BIRC6: variants seen among roughly 807,000 people sequenced by gnomAD.
BIRC6 encodes baculoviral IAP repeat containing 6.
A neutral mutation model predicts 503.3 loss-of-function variants in BIRC6; 98 were observed. That is an observed-to-expected ratio of 0.19 (90% CI 0.17 to 0.23). The LOEUF is 0.23. Among genes scored for constraint, BIRC6 ranks in the 10% least tolerant of loss-of-function variants. BIRC6 has a pLI of 1.00. For synonymous variants in BIRC6, 2,240 were observed against 2,078.7 expected, an observed-to-expected ratio of 1.08 and a Z score of -2.11; for missense variants, 5,360 against 5,806.0, an observed-to-expected ratio of 0.92 and a Z score of 2.50.
At chr2:32,408,633 C>T (rs1002084944) in intron 9 of BIRC6, among the ~76,000 whole-genome samples, 3 of 152,124 alleles carry the variant, frequency 2.0e-5, no homozygotes, top group African/African-American at 7.2e-5. Context: ...TTTTCTTACC[C>T]TTTTTCTACC....
chr2:32,518,782 T>C (rs2055336801), intron 56 of BIRC6, 35 bp from the exon 57 acceptor site: 4 of 1,599,570 alleles, frequency 2.5e-6, no homozygotes, highest in Non-Finnish European at 3.4e-6. Context: ...TTCCAAAAAG[T>C]TACTTCCTGA....
At chr2:32,423,643 A>G (rs533977680) in intron 10 of BIRC6, among the ~76,000 whole-genome samples, 106 of 152,308 alleles carry the variant, frequency 7.0e-4, no homozygotes, top group African/African-American at 2.5e-3. Context: ...TTTTTATGCC[A>G]AATAATATTC....
intron 3 of BIRC6, among the ~76,000 whole-genome samples, chr2:32,381,906 T>G (rs2037716833): frequency 1.3e-5 from 2 of 152,076 alleles, no homozygotes; most frequent in South Asian, 4.1e-4. Flanking sequence ...AGAGATCATC[T>G]ATGTTCTTCT....
At chr2:32,460,166 TGATATA>T (rs1330992473) in intron 23 of BIRC6, among the ~76,000 whole-genome samples, 2 of 141,686 alleles carry the variant, frequency 1.4e-5, no homozygotes, top group Non-Finnish European at 3.0e-5. Context: ...ATGATATATC[TGATATA>T]GATATATATA....
At chr2:32,416,273 AT>A (rs1171427006) in intron 10 of BIRC6, 110 bp downstream of exon 10, 32 of 1,149,454 alleles carry the variant, frequency 2.8e-5, no homozygotes, top group Middle Eastern at 3.0e-4. Context: ...GGAGGAATTA[AT>A]TTTTTTGTAA....
Position 32,465,097 on chromosome 2 carries a change from T to G in BIRC6, c.5289T>G (p.Ile1763Met). 6.2e-7 allele frequency: 1 copy of G among 1,608,086 alleles called. No individual in the cohort carries two copies. Among genetic ancestry groups the G allele is most frequent in the Admixed American group, 1.7e-5 (1 of 59,672 alleles). ...NPLGSGLALAISHASHFLQPP... is the reference protein window; with the variant it reads ...NPLGSGLALAMSHASHFLQPP... ...TTGGTTCTGGTCTAGCCCTTGCAAT[T>G]TCTCATGCTTCACATTTTCTTCAAC... Residue 1763 changes from isoleucine (I) to methionine (M), a missense_variant, in exon 26 of 74, where the codon ATT (isoleucine) becomes ATG (methionine). Physicochemically the swap from Ile to Met is conservative, Grantham distance 10 (BLOSUM62 1). Coordinates refer to ENST00000421745, the MANE Select transcript of BIRC6 (RefSeq NM_016252.4).
At chr2:32,478,323 C>T (rs998301453) in intron 35 of BIRC6, among the ~76,000 whole-genome samples, 5 of 151,752 alleles carry the variant, frequency 3.3e-5, no homozygotes, top group Admixed American at 1.3e-4. Context: ...GGCGACAGAC[C>T]GAGACTGTCT....
chr2:32,559,403 G>A (rs1347345088), intron 65 of BIRC6, among the ~76,000 whole-genome samples: 3 of 152,174 alleles, frequency 2.0e-5, no homozygotes, highest in Non-Finnish European at 2.9e-5. Context: ...TCAGGCAGGC[G>A]CACATTGAAT....
intron 65 of BIRC6, among the ~76,000 whole-genome samples, chr2:32,561,023 C>T (rs1029325841): frequency 6.6e-6 from 1 of 151,776 alleles, no homozygotes; most frequent in Non-Finnish European, 1.5e-5. Flanking sequence ...CATAGTGAAA[C>T]CCCATCTCTA....
chr2:32,374,111 A>G (rs1022458335), intron 1 of BIRC6, among the ~76,000 whole-genome samples: 2 of 152,208 alleles, frequency 1.3e-5, no homozygotes, highest in African/African-American at 4.8e-5. Flanking sequence ...CCTGATGGAT[A>G]AACAACAGCA....
intron 66 of BIRC6, among the ~76,000 whole-genome samples, chr2:32,579,042 T>C (rs182096049): frequency 0.01 from 1,387 of 137,364 alleles, 21 homozygotes; most frequent in African/African-American, 0.037. Context: ...TATATATGTA[T>C]ACCTAATATA....
At chr2:32,552,259 CTG>C (rs1341194678) in intron 65 of BIRC6, among the ~76,000 whole-genome samples, 1 of 152,102 alleles carries the variant, frequency 6.6e-6, no homozygotes, top group Non-Finnish European at 1.5e-5. Context: ...TGTTTAATGA[CTG>C]TTAAAGATTG....
Position 32,503,243 on chromosome 2 carries a change from A to C in BIRC6, c.9499+7A>C. The C allele has an allele frequency of 6.3e-7, 1 of 1,589,656 alleles. No homozygotes were observed. The highest frequency in any genetic ancestry group is 8.5e-7 in the Non-Finnish European group (1 of 1,169,928). On this transcript the variant is annotated splice_region_variant and intron_variant, in intron 49 of 73. Coordinates refer to ENST00000421745, the MANE Select transcript of BIRC6 (RefSeq NM_016252.4). ...CATAACTTTGCACCCCTCGGTAAGA[A>C]AAGTGTTACTAAATCTTACTTATGT...
At chr2:32,470,129 G>C in intron 30 of BIRC6, 39 bp from the exon 31 acceptor site, 1 of 1,388,362 alleles carries the variant, frequency 7.2e-7, no homozygotes, top group Non-Finnish European at 9.5e-7. Flanking sequence ...CAATCGAATT[G>C]ATTCTTATTC....
intron 12 of BIRC6, among the ~76,000 whole-genome samples, chr2:32,431,835 A>T (rs943991677): frequency 6.6e-6 from 1 of 152,252 alleles, no homozygotes; most frequent in African/African-American, 2.4e-5. Flanking sequence ...GTAAACAGAT[A>T]CATATACCAT....
intron 12 of BIRC6, among the ~76,000 whole-genome samples, chr2:32,432,188 G>A (rs1210270259): frequency 6.6e-6 from 1 of 152,130 alleles, no homozygotes; most frequent in African/African-American, 2.4e-5. Context: ...AGCCAAGGCA[G>A]GTAAATCAGT....
intron 1 of BIRC6, among the ~76,000 whole-genome samples, chr2:32,373,056 TTA>T (rs1003470194): frequency 5.9e-5 from 9 of 152,338 alleles, no homozygotes; most frequent in South Asian, 2.1e-4. Flanking sequence ...TGTATTTCCT[TTA>T]GAAATGTATG....
chr2:32,370,380 T>C (rs1292354844), intron 1 of BIRC6, among the ~76,000 whole-genome samples: 1 of 152,212 alleles, frequency 6.6e-6, no homozygotes, highest in East Asian at 1.9e-4. Flanking sequence ...GAACTCTTAA[T>C]TCCAGTAATT....
In BIRC6 at chr2:32,415,912, G is replaced by T; in HGVS notation, c.2621G>T (p.Cys874Phe). The T allele has an allele frequency of 6.2e-7, 1 of 1,614,040 alleles. No individual in the cohort carries two copies. Among genetic ancestry groups the T allele is most frequent in the Non-Finnish European group, 8.5e-7 (1 of 1,179,890 alleles). Residue 874 changes from cysteine (C) to phenylalanine (F), a missense_variant, in exon 10 of 74, where the codon TGT (cysteine) becomes TTT (phenylalanine). Physicochemically the swap from Cys to Phe is radical, Grantham distance 205. This residue lies in a region of BIRC6 where 700 missense variants were observed against 739.3 expected (regional missense o/e 0.95). Coordinates refer to ENST00000421745, the MANE Select transcript of BIRC6 (RefSeq NM_016252.4). ...PDILDNREDDCEEPIEDMQLT... is the reference protein window; with the variant it reads ...PDILDNREDDFEEPIEDMQLT... Reference sequence around the variant, plus strand: ...ATATTGGATAATCGAGAGGATGACTGTGAGGAACCTATTGAGGACATGCAG... The same window carrying T: ...ATATTGGATAATCGAGAGGATGACTTTGAGGAACCTATTGAGGACATGCAG...
Sources: gnomAD v4.1 joint callset for allele counts (sites outside exome capture counted in the v4.1 genomes callset) on GRCh38, gnomAD v4.1.1 for gene constraint, gnomAD v4.1.1 regional missense constraint, MANE v1.5 for transcripts, NCBI Gene and HGNC (gene_info 2026-07-23, HGNC 2026-07-21) for gene names.